The following ZDHHC20 variants were observed in gnomAD, a reference collection of about 807,000 sequenced individuals.
ZDHHC20 encodes the protein zDHHC palmitoyltransferase 20.
In ZDHHC20, 43 loss-of-function variants were observed where a neutral mutation model predicts 57.8. The ratio of observed to expected loss-of-function variants is 0.74; its 90% CI spans 0.58 to 0.96. The LOEUF (loss-of-function observed/expected upper bound fraction) is 0.96, where lower values mean the gene tolerates loss of function less well. Among genes scored for constraint, ZDHHC20 ranks in the 40% least tolerant of loss-of-function variants. The probability of loss-of-function intolerance (pLI) is 0.00; values close to 1 mark genes in which losing one functional copy is unlikely to be tolerated. For synonymous variants in ZDHHC20, 157 were observed against 153.0 expected, an observed-to-expected ratio of 1.03 and a Z score of -0.19; for missense variants, 391 against 441.1, an observed-to-expected ratio of 0.89 and a Z score of 1.02.
At chr13:21,378,218 T>TTATTTTTTGTCGAGATGAGGTC (rs1343145043) in intron 12 of ZDHHC20, among the ~76,000 whole-genome samples, 1 of 152,050 alleles carries the variant, frequency 6.6e-6, no homozygotes. Flanking sequence ...GGCTAATTTT[T>TTATTTTTTGTCGAGATGAGGTC]TATTTTTTGT....
intron 1 of ZDHHC20, among the ~76,000 whole-genome samples, chr13:21,432,105 T>A (rs192997832): frequency 9.5e-4 from 145 of 152,286 alleles, no homozygotes; most frequent in Non-Finnish European, 8.4e-4. Context: ...ATTTTCATTT[T>A]ATATCATTTC....
chr13:21,399,772 T>C (rs1329848392), intron 7 of ZDHHC20, among the ~76,000 whole-genome samples: 7 of 152,174 alleles, frequency 4.6e-5, no homozygotes, highest in South Asian at 2.1e-4. Flanking sequence ...TATGCATTCT[T>C]CCGTACCTTG....
At chr13:21,455,472 G>GA (rs566122739) in intron 1 of ZDHHC20, among the ~76,000 whole-genome samples, 233 of 151,704 alleles carry the variant, frequency 1.5e-3, no homozygotes, top group African/African-American at 5.2e-3. Flanking sequence ...CAACCCTGGG[G>GA]AAAAAAAATC....
intron 1 of ZDHHC20, among the ~76,000 whole-genome samples, chr13:21,436,791 A>ATCAACAG (rs773937726): frequency 6.6e-6 from 1 of 152,220 alleles, no homozygotes; most frequent in Non-Finnish European, 1.5e-5. Context: ...GCTAGAAATG[A>ATCAACAG]CTAAGCTTAG....
chr13:21,402,022 G>T (rs1877697757), intron 5 of ZDHHC20, among the ~76,000 whole-genome samples: 1 of 152,120 alleles, frequency 6.6e-6, no homozygotes, highest in East Asian at 1.9e-4. Flanking sequence ...ATCATTTGAG[G>T]TCATGAGTTC....
At chr13:21,435,931 G>A (rs1882496064) in intron 1 of ZDHHC20, among the ~76,000 whole-genome samples, 2 of 152,202 alleles carry the variant, frequency 1.3e-5, no homozygotes, top group South Asian at 2.1e-4. Flanking sequence ...GGCTAAGGGA[G>A]CAATCTCACT....
chr13:21,415,932 G>T (rs1376569631), intron 3 of ZDHHC20, among the ~76,000 whole-genome samples: 1 of 152,036 alleles, frequency 6.6e-6, no homozygotes, highest in African/African-American at 2.4e-5. Context: ...GCTGGGTGTG[G>T]TGGCTCACAT....
Position 21,372,699 on chromosome 13 carries a change from T to C in ZDHHC20, c.*3997A>G, listed in dbSNP as rs549217513. 8 of 152,300 alleles carry C rather than the reference T, an allele frequency of 5.3e-5. No homozygotes were observed. Among genetic ancestry groups the C allele is most frequent in the Non-Finnish European group, 8.8e-5 (6 of 68,014 alleles). The allele number at this position is 152,300 out of a possible 1,614,324, so 9.4% of individuals were successfully genotyped here. A position where few individuals can be genotyped will look rare whatever the true frequency, so the allele number is the denominator to read the frequency against. On this transcript the variant is annotated 3_prime_UTR_variant, in exon 13 of 13. Transcript: ENST00000400590. ...CAAAAGACAAAGCAAAGCATCAACATTAAGTCACAGGCTAGGATTATACAA... is the reference window on the plus strand; with the variant it reads ...CAAAAGACAAAGCAAAGCATCAACACTAAGTCACAGGCTAGGATTATACAA...
At chr13:21,391,898 A>G (rs773621646) in intron 7 of ZDHHC20, 44 bp from the exon 8 acceptor site, 17 of 1,574,578 alleles carry the variant, frequency 1.1e-5, no homozygotes, top group South Asian at 2.4e-5. Flanking sequence ...CCTCTAAAAT[A>G]TAACTTACAA....
At position 21,373,358 on chromosome 13, in the gene ZDHHC20, TCTG is replaced by T. The variant is rs1375810652; in HGVS notation, c.*3335_*3337del. On this transcript the variant is annotated 3_prime_UTR_variant, in exon 13 of 13. Coordinates refer to ENST00000400590, the MANE Select transcript of ZDHHC20 (RefSeq NM_001330059.2). ...AACCGTCCTGTAAACATAGTCAAAA[TCTG>T]CTAATAGAAATACAATTCAAGTAAA... 1.3e-5 allele frequency: 2 copies of T among 152,210 alleles called. No homozygotes were observed. The highest frequency in any genetic ancestry group is 2.9e-5 in the Non-Finnish European group (2 of 68,032). 9.4% of individuals were successfully genotyped at this position (152,210 alleles called of 1,614,324 possible).
At chr13:21,386,829 A>T (rs536463736) in intron 9 of ZDHHC20, among the ~76,000 whole-genome samples, 3 of 152,318 alleles carry the variant, frequency 2.0e-5, no homozygotes, top group African/African-American at 7.2e-5. Flanking sequence ...GATTACAGGC[A>T]TGACCCACTG....
chr13:21,450,462 T>TC (rs2138057869), intron 1 of ZDHHC20, among the ~76,000 whole-genome samples: 1 of 152,328 alleles, frequency 6.6e-6, no homozygotes, highest in Non-Finnish European at 1.5e-5. Flanking sequence ...ATCTTTTTTT[T>TC]CATTTGATTT....
At chr13:21,452,107 T>C (rs1884498488) in intron 1 of ZDHHC20, among the ~76,000 whole-genome samples, 1 of 152,182 alleles carries the variant, frequency 6.6e-6, no homozygotes. Flanking sequence ...TTTTAGTATA[T>C]GTGTTGCAAG....
At chr13:21,390,778 T>G (rs1158069626) in intron 8 of ZDHHC20, among the ~76,000 whole-genome samples, 1 of 152,044 alleles carries the variant, frequency 6.6e-6, no homozygotes, top group Middle Eastern at 3.4e-3. Context: ...TGCACACCTG[T>G]AGACCCAGCT....
intron 6 of ZDHHC20, among the ~76,000 whole-genome samples, chr13:21,400,712 G>T (rs1877503240): frequency 6.6e-6 from 1 of 152,084 alleles, no homozygotes; most frequent in Non-Finnish European, 1.5e-5. Context: ...CCTAAGAAAT[G>T]GTTAACATGG....
intron 3 of ZDHHC20, among the ~76,000 whole-genome samples, chr13:21,416,581 T>C (rs1880004914): frequency 6.6e-6 from 1 of 152,114 alleles, no homozygotes; most frequent in African/African-American, 2.4e-5. Flanking sequence ...AATTACAAAA[T>C]ACGAATCAGC....
intron 1 of ZDHHC20, among the ~76,000 whole-genome samples, chr13:21,457,375 C>A (rs1885012569): frequency 6.6e-6 from 1 of 152,140 alleles, no homozygotes; most frequent in South Asian, 2.1e-4. Context: ...ATGCCCACTT[C>A]AGAGTAAATA....
chr13:21,438,105 G>T (rs922467371), intron 1 of ZDHHC20, among the ~76,000 whole-genome samples: 4 of 152,184 alleles, frequency 2.6e-5, no homozygotes, highest in African/African-American at 7.2e-5. Context: ...CTCTGATGGA[G>T]ATGTACAAGG....
chr13:21,423,833 T>A (rs1395663961), intron 2 of ZDHHC20, among the ~76,000 whole-genome samples: 1 of 152,030 alleles, frequency 6.6e-6, no homozygotes, highest in Admixed American at 6.6e-5. Flanking sequence ...AATGTTATCT[T>A]CACTTTGCTT....
Sources: allele counts gnomAD v4.1 joint callset (sites outside exome capture counted in the v4.1 genomes callset), GRCh38; gene constraint gnomAD v4.1.1; transcripts MANE v1.5; gene names NCBI Gene and HGNC (gene_info 2026-07-23, HGNC 2026-07-21).